PLA2G7: variants seen among roughly 807,000 people sequenced by gnomAD.
PLA2G7 encodes the protein platelet-activating factor acetylhydrolase.
PLA2G7 carries 63 observed loss-of-function variants against 49.6 expected under a neutral mutation model. The observed-to-expected ratio is 1.27, with a 90% CI of 1.04 to 1.57. The LOEUF is 1.57. Among genes scored for constraint, PLA2G7 ranks in the 40% most tolerant of loss-of-function variants. The probability of loss-of-function intolerance (pLI) is 0.00; values close to 1 mark genes in which losing one functional copy is unlikely to be tolerated. For missense variants in PLA2G7, 596 were observed against 521.2 expected (o/e 1.14, Z -1.40); for synonymous variants, 193 against 169.9 (o/e 1.14, Z -1.06).
chr6:46,712,797 A>C (rs1765072384), intron 5 of PLA2G7, among the ~76,000 whole-genome samples: 1 of 152,192 alleles, frequency 6.6e-6, no homozygotes. Context: ...AAATGGGCCT[A>C]AGAGTAAAGC....
intron 2 of PLA2G7, among the ~76,000 whole-genome samples, chr6:46,722,321 T>C (rs1167474831): frequency 1.3e-5 from 2 of 152,190 alleles, no homozygotes; most frequent in Non-Finnish European, 2.9e-5. Flanking sequence ...GAAATTGTTA[T>C]CTCACATGAC....
chr6:46,716,599 TA>T, intron 3 of PLA2G7, 71 bp from the exon 4 acceptor site: 1 of 1,523,366 alleles, frequency 6.6e-7, no homozygotes, highest in Non-Finnish European at 9.1e-7. Flanking sequence ...CTATTTTGCA[TA>T]TTTAATTAGT....
At chr6:46,707,099 G>A (rs1274920054) in intron 10 of PLA2G7, among the ~76,000 whole-genome samples, 2 of 152,100 alleles carry the variant, frequency 1.3e-5, no homozygotes, top group Non-Finnish European at 2.9e-5. Flanking sequence ...CTTATCAGGA[G>A]TTCTTTTTCA....
Position 46,704,480 on chromosome 6 carries a change from A to T in PLA2G7, c.*80T>A, listed in dbSNP as rs3857590. 3,662 of 45,902 alleles carry T rather than the reference A, an allele frequency of 0.08. 5 individuals are homozygous for T. Among genetic ancestry groups the T allele is most frequent in the South Asian group, 0.16 (285 of 1,796 alleles). 2.8% of individuals were successfully genotyped at this position (45,902 alleles called of 1,614,324 possible). ...CTCTCTCTCTCTCTCTCTCTCTCTC[A>T]CACACACACACACACACACACACAC... is the stretch of plus-strand genomic sequence containing the variant. On this transcript the variant is annotated 3_prime_UTR_variant, in exon 12 of 12. Transcript: ENST00000274793.
chr6:46,716,334 G>A lies in PLA2G7; in HGVS notation c.376+50C>T, dbSNP rs372380410. ...TACTTGAAGTTCTTGTTGTTTTCAA[G>A]GTTTTCATACATGCAAGAGCCTACA... On this transcript the variant is annotated intron_variant, in intron 4 of 11. Transcript: ENST00000274793. The A allele has an allele frequency of 2.2e-5, 35 of 1,596,098 alleles. 3 individuals are homozygous for A. In the African/African-American group the frequency reaches 2.8e-4, roughly 13 times the overall value.
intron 10 of PLA2G7, among the ~76,000 whole-genome samples, chr6:46,706,293 C>G (rs955910191): frequency 2.0e-5 from 3 of 152,198 alleles, no homozygotes; most frequent in African/African-American, 7.2e-5. Flanking sequence ...GGCCACTTAA[C>G]TCCCTCTCAC....
intron 1 of PLA2G7, among the ~76,000 whole-genome samples, chr6:46,726,087 A>G (rs1765566211): frequency 6.6e-6 from 1 of 152,236 alleles, no homozygotes; most frequent in African/African-American, 2.4e-5. Flanking sequence ...GTCTATTCAG[A>G]TTCTTCTTGG....
intron 8 of PLA2G7, 28 bp downstream of exon 8, chr6:46,710,517 A>C (rs1435674182): frequency 1.5e-6 from 2 of 1,330,392 alleles, no homozygotes; most frequent in Admixed American, 3.4e-5. Flanking sequence ...ACTGTAGGAC[A>C]AGAGAAAAAT....
chr6:46,717,709 CTTTTTCTTT>C (rs1290215195), intron 2 of PLA2G7, among the ~76,000 whole-genome samples: 43 of 116,196 alleles, frequency 3.7e-4, no homozygotes, highest in South Asian at 8.1e-4. Flanking sequence ...TTTCTTTTTT[CTTTTTCTTT>C]TTTTTTTTTT....
At chr6:46,715,725 A>G (rs1469319845) in intron 4 of PLA2G7, among the ~76,000 whole-genome samples, 1 of 152,232 alleles carries the variant, frequency 6.6e-6, no homozygotes, top group African/African-American at 2.4e-5. Context: ...GTGGTTTTTA[A>G]GAAAATTAAA....
At chr6:46,714,935 A>G (rs1218073434) in intron 4 of PLA2G7, among the ~76,000 whole-genome samples, 1 of 151,872 alleles carries the variant, frequency 6.6e-6, no homozygotes, top group Non-Finnish European at 1.5e-5. Context: ...GGGTTTCTCC[A>G]TGTTGGTCAG....
At chr6:46,727,956 GATA>G (rs1765620810) in intron 1 of PLA2G7, among the ~76,000 whole-genome samples, 1 of 152,194 alleles carries the variant, frequency 6.6e-6, no homozygotes, top group Admixed American at 6.5e-5. Context: ...AGAACCATGA[GATA>G]ATAAATTATG....
intron 1 of PLA2G7, among the ~76,000 whole-genome samples, chr6:46,725,014 T>A (rs1432970414): frequency 6.6e-6 from 1 of 152,182 alleles, no homozygotes; most frequent in Non-Finnish European, 1.5e-5. Flanking sequence ...ACAATTGTGT[T>A]TCAGAGACAA....
intron 2 of PLA2G7, among the ~76,000 whole-genome samples, chr6:46,717,300 G>C (rs1438737652): frequency 6.6e-6 from 1 of 152,122 alleles, no homozygotes; most frequent in African/African-American, 2.4e-5. Flanking sequence ...AGAGATGAAA[G>C]TAGACATAGC....
At chr6:46,727,846 C>A (rs1765618655) in intron 1 of PLA2G7, among the ~76,000 whole-genome samples, 1 of 152,184 alleles carries the variant, frequency 6.6e-6, no homozygotes, top group African/African-American at 2.4e-5. Context: ...GACAGATTCT[C>A]TCTAGAGCCT....
chr6:46,717,307 T>A (rs1361540649), intron 2 of PLA2G7, among the ~76,000 whole-genome samples: 4 of 152,178 alleles, frequency 2.6e-5, no homozygotes, highest in Non-Finnish European at 4.4e-5. Flanking sequence ...AAAGTAGACA[T>A]AGCCTTTCTC....
At chr6:46,710,746 A>G in intron 7 of PLA2G7, 88 bp from the exon 8 acceptor site, 1 of 1,018,264 alleles carries the variant, frequency 9.8e-7, no homozygotes, top group South Asian at 1.3e-5. Flanking sequence ...ATTTGGGAAA[A>G]ATCGTTGGTC....
At chr6:46,732,335 A>G (rs1765758729) in intron 1 of PLA2G7, among the ~76,000 whole-genome samples, 1 of 150,744 alleles carries the variant, frequency 6.6e-6, no homozygotes, top group Admixed American at 6.7e-5. Flanking sequence ...CAATCCAAGA[A>G]GCTAGGCCCC....
In PLA2G7 at chr6:46,729,300, TAGAG is replaced by T. The variant is rs45500591; in HGVS notation, c.-35+5876_-35+5879del. Reference sequence around the variant, plus strand: ...GCCGGAAAAATGATAATGGGGACCATAGAGAGAAGGCATTTCTGAGAAAAGCTGT... The same window carrying T: ...GCCGGAAAAATGATAATGGGGACCATAGAAGGCATTTCTGAGAAAAGCTGT... On this transcript the variant is annotated intron_variant, in intron 1 of 11. Transcript: ENST00000274793. 9.9e-3 allele frequency among the ~76,000 whole-genome samples: 1,506 copies of T among 152,190 alleles called. 26 individuals are homozygous for T. The highest frequency in any genetic ancestry group is 0.034 in the African/African-American group (1,415 of 41,528).
Sources: gnomAD v4.1 joint callset for allele counts (sites outside exome capture counted in the v4.1 genomes callset) on GRCh38, gnomAD v4.1.1 for gene constraint, MANE v1.5 for transcripts, NCBI Gene and HGNC (gene_info 2026-07-23, HGNC 2026-07-21) for gene names.